Variants in LDB2 observed in about 807,000 individuals in gnomAD.
The protein encoded by LDB2 is LIM domain-binding protein 2.
Under a neutral mutation model 44.3 loss-of-function variants are expected in LDB2, and 12 were observed. The observed-to-expected ratio is 0.27, with a 90% CI of 0.17 to 0.44. LDB2 has a LOEUF of 0.44. Among genes scored for constraint, LDB2 ranks in the 20% least tolerant of loss-of-function variants. The pLI is 1.00. For synonymous variants in LDB2, 164 were observed against 174.8 expected (o/e 0.94, Z 0.49); for missense variants, 344 against 473.5 (o/e 0.73, Z 2.54).
intron 2 of LDB2, among the ~76,000 whole-genome samples, chr4:16,610,103 C>T (rs902334384): frequency 1.3e-4 from 20 of 151,850 alleles, no homozygotes; most frequent in African/African-American, 4.1e-4. Flanking sequence ...AACTGCAGCA[C>T]CCCTACAGAA....
At chr4:16,667,135 CAG>C (rs1180282713) in intron 2 of LDB2, among the ~76,000 whole-genome samples, 4 of 152,178 alleles carry the variant, frequency 2.6e-5, no homozygotes, top group Non-Finnish European at 4.4e-5. Context: ...AAATGACACA[CAG>C]AGACAGAGAG....
intron 1 of LDB2, among the ~76,000 whole-genome samples, chr4:16,834,694 G>A (rs1784610692): frequency 6.6e-6 from 1 of 152,152 alleles, no homozygotes; most frequent in Non-Finnish European, 1.5e-5. Flanking sequence ...GGGCATGGTG[G>A]TGTGTGCGTG....
At chr4:16,601,377 G>A (rs1388191386) in intron 2 of LDB2, among the ~76,000 whole-genome samples, 1 of 152,098 alleles carries the variant, frequency 6.6e-6, no homozygotes, top group African/African-American at 2.4e-5. Flanking sequence ...AATTTTAGAT[G>A]CCTGCAATTT....
chr4:16,810,518 C>T (rs1027886292), intron 1 of LDB2, among the ~76,000 whole-genome samples: 1 of 151,972 alleles, frequency 6.6e-6, no homozygotes, highest in Non-Finnish European at 1.5e-5. Flanking sequence ...GATGAAAAAG[C>T]TATTAATACT....
chr4:16,848,881 A>G (rs1454833679), intron 1 of LDB2, among the ~76,000 whole-genome samples: 1 of 151,956 alleles, frequency 6.6e-6, no homozygotes, highest in Non-Finnish European at 1.5e-5. Context: ...AGCCTCCTCA[A>G]TCATCCACAC....
intron 2 of LDB2, among the ~76,000 whole-genome samples, chr4:16,692,329 A>G (rs1200435705): frequency 3.9e-5 from 6 of 152,168 alleles, no homozygotes; most frequent in Admixed American, 3.3e-4. Context: ...CCTTCAGAAT[A>G]AGCATATCTG....
At chr4:16,520,661 T>C (rs571829400) in intron 5 of LDB2, among the ~76,000 whole-genome samples, 1 of 152,302 alleles carries the variant, frequency 6.6e-6, no homozygotes, top group East Asian at 1.9e-4. Flanking sequence ...TGGCGGCAGC[T>C]GTCACTCCAG....
At chr4:16,630,365 T>A (rs1430915061) in intron 2 of LDB2, among the ~76,000 whole-genome samples, 1 of 152,078 alleles carries the variant, frequency 6.6e-6, no homozygotes, top group African/African-American at 2.4e-5. Flanking sequence ...AGAAATAAAA[T>A]CCTTTACAGA....
intron 2 of LDB2, among the ~76,000 whole-genome samples, chr4:16,713,366 T>TTA (rs201860098): frequency 3.5e-5 from 4 of 114,392 alleles, no homozygotes; most frequent in Admixed American, 9.5e-5. Flanking sequence ...TAGTAAAGCT[T>TTA]TTTTTTTTTT....
chr4:16,509,389 G>C (rs138594101), intron 6 of LDB2, among the ~76,000 whole-genome samples: 1 of 152,046 alleles, frequency 6.6e-6, no homozygotes, highest in East Asian at 1.9e-4. Context: ...ATATTACTGA[G>C]GGGAAACTAG....
At chr4:16,606,972 T>C (rs1259120972) in intron 2 of LDB2, among the ~76,000 whole-genome samples, 1 of 152,204 alleles carries the variant, frequency 6.6e-6, no homozygotes, top group Admixed American at 6.5e-5. Context: ...CATCAACCGT[T>C]AGCAATTCTA....
chr4:16,672,887 T>TC (rs1170737453), intron 2 of LDB2, among the ~76,000 whole-genome samples: 22 of 146,556 alleles, frequency 1.5e-4, no homozygotes, highest in Non-Finnish European at 2.1e-4. Flanking sequence ...CTTCCTTCCT[T>TC]TTTTTTCCTT....
At chr4:16,823,607 C>G (rs1347305914) in intron 1 of LDB2, among the ~76,000 whole-genome samples, 4 of 152,170 alleles carry the variant, frequency 2.6e-5, no homozygotes, top group Non-Finnish European at 5.9e-5. Context: ...TGCCTGCACC[C>G]ATAGTACCAG....
At chr4:16,856,057 T>C (rs1352692695) in intron 1 of LDB2, among the ~76,000 whole-genome samples, 2 of 152,176 alleles carry the variant, frequency 1.3e-5, no homozygotes, top group Non-Finnish European at 2.9e-5. Context: ...ATTCCTTTCT[T>C]TTCCAATCCC....
intron 2 of LDB2, among the ~76,000 whole-genome samples, chr4:16,702,589 A>G (rs1467756256): frequency 6.6e-6 from 1 of 152,208 alleles, no homozygotes; most frequent in Non-Finnish European, 1.5e-5. Flanking sequence ...TTCCTTGTCC[A>G]AGTGCCTCTC....
intron 1 of LDB2, among the ~76,000 whole-genome samples, chr4:16,793,695 C>T (rs1298854608): frequency 6.6e-6 from 1 of 152,144 alleles, no homozygotes; most frequent in African/African-American, 2.4e-5. Flanking sequence ...CTCTTTGTAA[C>T]CTCTCCCTGC....
At chr4:16,682,353 C>T (rs1748158104) in intron 2 of LDB2, among the ~76,000 whole-genome samples, 1 of 152,270 alleles carries the variant, frequency 6.6e-6, no homozygotes, top group African/African-American at 2.4e-5. Context: ...TACAATAATG[C>T]CTGTAGGAAA....
At chr4:16,552,101 C>G (rs1737889847) in intron 5 of LDB2, among the ~76,000 whole-genome samples, 1 of 152,012 alleles carries the variant, frequency 6.6e-6, no homozygotes, top group Non-Finnish European at 1.5e-5. Context: ...TTGATTTGGC[C>G]TTTATCCTTG....
chr4:16,560,679 T>C (rs1443297318), intron 5 of LDB2, among the ~76,000 whole-genome samples: 1 of 152,100 alleles, frequency 6.6e-6, no homozygotes, highest in Admixed American at 6.5e-5. Flanking sequence ...ACTATTCCAA[T>C]CAATAGAAAA....
Sources: allele counts gnomAD v4.1 joint callset (sites outside exome capture counted in the v4.1 genomes callset), GRCh38; gene constraint gnomAD v4.1.1; transcripts MANE v1.5; gene names NCBI Gene and HGNC (gene_info 2026-07-23, HGNC 2026-07-21).